The following LURAP1 variants were observed in gnomAD, a reference collection of about 807,000 sequenced individuals.
LURAP1 encodes the protein NF-kappa-B activator C1orf190.
LURAP1 carries 14 observed loss-of-function variants against 19.0 expected under a neutral mutation model. The ratio of observed to expected loss-of-function variants is 0.74; its 90% CI spans 0.49 to 1.15. LURAP1 has a LOEUF of 1.15. Among genes scored for constraint, LURAP1 ranks in the 50% most tolerant of loss-of-function variants. The pLI is 0.00. For synonymous variants in LURAP1, 129 were observed against 131.8 expected (o/e 0.98, Z 0.14); for missense variants, 273 against 309.1 (o/e 0.88, Z 0.87).
In LURAP1 at chr1:46,216,043, C is replaced by CTTTTTTTTTTTTTTTTT. The variant is rs141982741; in HGVS notation, c.199-3649_199-3633dup. On this transcript the variant is annotated intron_variant, in intron 1 of 1. Transcript: ENST00000371980. ...AAAATAATTTCAACTTTTATTTTAT[C>CTTTTTTTTTTTTTTTTT]TTTTTTTTTTTTTTTTTTTTTTTGT... Among the ~76,000 whole-genome samples, 3 of 92,540 alleles carry CTTTTTTTTTTTTTTTTT rather than the reference C, an allele frequency of 3.2e-5. 1 individual carries two copies. The highest frequency in any genetic ancestry group is 1.9e-5 in the Non-Finnish European group (1 of 52,058). 60.7% of individuals were successfully genotyped at this position (92,540 alleles called of 152,430 possible).
chr1:46,207,193 G>T (rs969474759), intron 1 of LURAP1, among the ~76,000 whole-genome samples: 2 of 151,914 alleles, frequency 1.3e-5, no homozygotes, highest in Non-Finnish European at 2.9e-5. Flanking sequence ...CGGTTCTCCT[G>T]CCTCAGCTTC....
At chr1:46,210,529 G>A (rs1243320938) in intron 1 of LURAP1, among the ~76,000 whole-genome samples, 1 of 152,132 alleles carries the variant, frequency 6.6e-6, no homozygotes, top group African/African-American at 2.4e-5. Context: ...CTGACCTTCT[G>A]ACCAACCAGC....
At chr1:46,211,968 GC>G (rs966887902) in intron 1 of LURAP1, among the ~76,000 whole-genome samples, 1 of 151,974 alleles carries the variant, frequency 6.6e-6, no homozygotes, top group African/African-American at 2.4e-5. Flanking sequence ...CACCATGTTG[GC>G]CAGGCTGGTC....
Position 46,203,346 on chromosome 1 carries a change from CT to C in LURAP1, c.-78del. Reference sequence around the variant, plus strand: ...GCGGGGACCCACCGGTTTTGCTCCGCTTTAGCAGCGGCGAAGGGAGGACCCC... The same window carrying C: ...GCGGGGACCCACCGGTTTTGCTCCGCTTAGCAGCGGCGAAGGGAGGACCCC... On this transcript the variant is annotated 5_prime_UTR_variant, in exon 1 of 2. Transcript: ENST00000371980. The C allele has an allele frequency of 7.4e-7, 1 of 1,342,910 alleles. No individual in the cohort carries two copies. Among genetic ancestry groups the C allele is most frequent in the Non-Finnish European group, 9.8e-7 (1 of 1,015,430 alleles). The allele number at this position is 1,342,910 out of a possible 1,614,324, so 83.2% of individuals were successfully genotyped here.
intron 1 of LURAP1, among the ~76,000 whole-genome samples, chr1:46,216,876 T>G (rs2148252582): frequency 6.6e-6 from 1 of 152,318 alleles, no homozygotes; most frequent in South Asian, 2.1e-4. Flanking sequence ...CATTTATAAG[T>G]TAGAACATGC....
chr1:46,214,510 G>T (rs1659002802), intron 1 of LURAP1, among the ~76,000 whole-genome samples: 1 of 152,094 alleles, frequency 6.6e-6, no homozygotes. Flanking sequence ...AACATTCAGA[G>T]AACTAGAAAC....
chr1:46,204,832 G>A (rs1371686879), intron 1 of LURAP1, among the ~76,000 whole-genome samples: 3 of 152,216 alleles, frequency 2.0e-5, no homozygotes, highest in African/African-American at 7.2e-5. Context: ...CCTAGTAAGA[G>A]CCTATCTAGA....
intron 1 of LURAP1, among the ~76,000 whole-genome samples, chr1:46,209,957 A>G (rs982300975): frequency 6.6e-6 from 1 of 152,210 alleles, no homozygotes; most frequent in African/African-American, 2.4e-5. Context: ...GGACTAGGAC[A>G]GTTGTCTTCA....
At chr1:46,211,704 A>G (rs1658901295) in intron 1 of LURAP1, among the ~76,000 whole-genome samples, 1 of 152,202 alleles carries the variant, frequency 6.6e-6, no homozygotes, top group Non-Finnish European at 1.5e-5. Context: ...ATTAATGGCA[A>G]AACTGGAACT....
intron 1 of LURAP1, among the ~76,000 whole-genome samples, chr1:46,215,285 A>T (rs866208658): frequency 9.9e-5 from 15 of 152,082 alleles, no homozygotes; most frequent in Admixed American, 8.5e-4. Flanking sequence ...AACATAGAGG[A>T]TCATCAGTTC....
In LURAP1 at chr1:46,221,143, C is replaced by T. The variant is rs1015222004; in HGVS notation, c.*923C>T. On this transcript the variant is annotated 3_prime_UTR_variant, in exon 2 of 2. Coordinates refer to ENST00000371980, the MANE Select transcript of LURAP1 (RefSeq NM_001013615.3). ...AGATCACATTATTTATCGTCCATAC[C>T]ATTACTTCTTGTGAACAGTAACATG... is the stretch of plus-strand genomic sequence containing the variant. The T allele has an allele frequency of 1.3e-5, 2 of 152,178 alleles. No homozygotes were observed. The highest frequency in any genetic ancestry group is 2.9e-5 in the Non-Finnish European group (2 of 68,040). 9.4% of individuals were successfully genotyped at this position (152,178 alleles called of 1,614,324 possible).
intron 1 of LURAP1, among the ~76,000 whole-genome samples, chr1:46,215,103 G>A (rs1440817373): frequency 6.6e-6 from 1 of 151,728 alleles, no homozygotes; most frequent in Non-Finnish European, 1.5e-5. Context: ...GTGGGCACCT[G>A]TAGTCCCAGC....
At chr1:46,204,135 C>G (rs560081526) in intron 1 of LURAP1, among the ~76,000 whole-genome samples, 92 of 152,296 alleles carry the variant, frequency 6.0e-4, no homozygotes, top group African/African-American at 2.2e-3. Flanking sequence ...AAACCTTCTC[C>G]GTTTCCTCTA....
intron 1 of LURAP1, among the ~76,000 whole-genome samples, chr1:46,208,642 A>C (rs2148240685): frequency 6.6e-6 from 1 of 152,248 alleles, no homozygotes; most frequent in Non-Finnish European, 1.5e-5. Flanking sequence ...CAGGAGTTCG[A>C]GACCAGCCTG....
At chr1:46,209,178 C>A (rs1658814660) in intron 1 of LURAP1, among the ~76,000 whole-genome samples, 2 of 152,160 alleles carry the variant, frequency 1.3e-5, no homozygotes, top group Non-Finnish European at 2.9e-5. Flanking sequence ...GCATGTGACA[C>A]CATGCCCAGC....
In LURAP1 at chr1:46,210,071, C is replaced by T. The variant is rs12239411; in HGVS notation, c.198+6447C>T. On this transcript the variant is annotated intron_variant, in intron 1 of 1. Coordinates refer to ENST00000371980, the MANE Select transcript of LURAP1 (RefSeq NM_001013615.3). ...ATTGCAGTTATTTATGTTCATCTCC[C>T]CTTATTGAGACTGCAAGCTTCTATT... 8.3e-3 allele frequency among the ~76,000 whole-genome samples: 1,264 copies of T among 152,154 alleles called. 21 individuals carry two copies. Among genetic ancestry groups the T allele is most frequent in the Middle Eastern group, 0.037 (11 of 294 alleles).
At chr1:46,209,222 C>T (rs1013760767) in intron 1 of LURAP1, among the ~76,000 whole-genome samples, 1 of 152,140 alleles carries the variant, frequency 6.6e-6, no homozygotes, top group Non-Finnish European at 1.5e-5. Flanking sequence ...TGGGGTTGCT[C>T]CATGTTGGTC....
At chr1:46,211,444 C>CATAT (rs532792988) in intron 1 of LURAP1, among the ~76,000 whole-genome samples, 1 of 133,880 alleles carries the variant, frequency 7.5e-6, no homozygotes, top group Non-Finnish European at 1.6e-5. Flanking sequence ...AACCTGCACA[C>CATAT]ACACACACAC....
At position 46,203,498 on chromosome 1, in the gene LURAP1, T is replaced by C. The variant is rs1459675627; in HGVS notation, c.72T>C (p.Pro24=). The C allele has an allele frequency of 2.7e-5, 42 of 1,553,926 alleles. No homozygotes were observed. The highest frequency in any genetic ancestry group is 2.0e-4 in the South Asian group (17 of 83,158). The change falls in exon 1 of 2, where the codon CCT becomes CCC. Residue 24 remains proline (P), a synonymous_variant. Coordinates refer to ENST00000371980, the MANE Select transcript of LURAP1 (RefSeq NM_001013615.3). ...DVEGKVGRKT[P]EGLLRGLRGE... is the part of the protein sequence containing the mutation. Reference sequence around the variant, plus strand: ...AGGGTAAGGTGGGCAGGAAGACCCCTGAAGGGCTGCTCCGCGGGCTGCGAG... The same window carrying C: ...AGGGTAAGGTGGGCAGGAAGACCCCCGAAGGGCTGCTCCGCGGGCTGCGAG...
Sources: allele counts gnomAD v4.1 joint callset (sites outside exome capture counted in the v4.1 genomes callset), GRCh38; gene constraint gnomAD v4.1.1; transcripts MANE v1.5; gene names NCBI Gene and HGNC (gene_info 2026-07-23, HGNC 2026-07-21).